AKAP6: variants seen among roughly 807,000 people sequenced by gnomAD.
AKAP6 encodes A-kinase anchoring protein 6.
A neutral mutation model predicts 188.5 loss-of-function variants in AKAP6; 58 were observed. That is an observed-to-expected ratio of 0.31 (90% confidence interval 0.25 to 0.38). The LOEUF is 0.38. AKAP6 is among the 10% of genes least tolerant of loss of function. The pLI is 1.00. For missense variants in AKAP6, 2,710 were observed against 2,740.0 expected (o/e 0.99, Z 0.24); for synonymous variants, 989 against 998.6 (o/e 0.99, Z 0.18).
intron 7 of AKAP6, among the ~76,000 whole-genome samples, chr14:32,629,006 TG>T (rs1323491920): frequency 3.9e-5 from 6 of 151,994 alleles, no homozygotes; most frequent in Admixed American, 3.9e-4. Context: ...CTTAGAGAAA[TG>T]GGAGGGATGT....
chr14:32,581,734 T>C (rs1884975694), intron 5 of AKAP6, among the ~76,000 whole-genome samples: 2 of 152,214 alleles, frequency 1.3e-5, no homozygotes, highest in Non-Finnish European at 2.9e-5. Flanking sequence ...AACTGGTCCC[T>C]TTACCATTAT....
In AKAP6 at chr14:32,540,135, T is replaced by G. The variant is rs1312071000; in HGVS notation, c.576+4330T>G. The stretch of plus-strand genomic sequence containing the variant: ...AGGGGTGTTCTTTGCTCGTGCGCTC[T>G]CTCTCTCTCTCTCTCTCTCTCTCTC... On this transcript the variant is annotated intron_variant, in intron 3 of 13. Transcript: ENST00000280979. 1.6e-4 allele frequency among the ~76,000 whole-genome samples: 11 copies of G among 69,398 alleles called. No individual in the cohort carries two copies. In the Admixed American group the frequency reaches 1.7e-3, roughly 11 times the overall value. 45.5% of individuals were successfully genotyped at this position (69,398 alleles called of 152,430 possible).
chr14:32,446,462 A>T (rs571907688), intron 2 of AKAP6, among the ~76,000 whole-genome samples: 1 of 152,136 alleles, frequency 6.6e-6, no homozygotes, highest in Non-Finnish European at 1.5e-5. Context: ...TGTGATCTGC[A>T]TGTATCTCTT....
chr14:32,441,057 T>C (rs1957016), intron 2 of AKAP6, among the ~76,000 whole-genome samples: 110,189 of 152,034 alleles, frequency 0.72, 40,871 homozygotes, highest in African/African-American at 0.87. Flanking sequence ...GAGAGTAAGC[T>C]CTCACCAGAC....
chr14:32,559,757 T>G (rs975330439), intron 4 of AKAP6, among the ~76,000 whole-genome samples: 3 of 151,278 alleles, frequency 2.0e-5, no homozygotes, highest in African/African-American at 7.3e-5. Context: ...ACAGTTGCGG[T>G]TGGGAGGTAG....
intron 12 of AKAP6, among the ~76,000 whole-genome samples, chr14:32,794,816 A>G (rs972942566): frequency 1.3e-5 from 2 of 152,152 alleles, no homozygotes; most frequent in Non-Finnish European, 2.9e-5. Flanking sequence ...AAGGAGATAG[A>G]GACATGAAAA....
intron 2 of AKAP6, among the ~76,000 whole-genome samples, chr14:32,437,344 A>T (rs898278278): frequency 2.0e-5 from 3 of 152,028 alleles, no homozygotes; most frequent in Non-Finnish European, 2.9e-5. Context: ...CTCATTACCT[A>T]ACTTGTCTAC....
chr14:32,562,706 C>T (rs1170010377), intron 4 of AKAP6, among the ~76,000 whole-genome samples: 1 of 151,964 alleles, frequency 6.6e-6, no homozygotes, highest in Non-Finnish European at 1.5e-5. Context: ...TGCAGTGAGC[C>T]GAGATTGCAC....
intron 1 of AKAP6, among the ~76,000 whole-genome samples, chr14:32,371,676 T>C (rs945697846): frequency 6.6e-6 from 1 of 152,138 alleles, no homozygotes; most frequent in South Asian, 2.1e-4. Context: ...GGAGTTGAAA[T>C]AGGTGAGAAA....
chr14:32,666,185 A>G (rs534692799), intron 7 of AKAP6, among the ~76,000 whole-genome samples: 66 of 152,256 alleles, frequency 4.3e-4, no homozygotes, highest in African/African-American at 1.5e-3. Flanking sequence ...ATAGTTTTAA[A>G]TAAAATATCT....
At chr14:32,557,214 G>A (rs1883726914) in intron 4 of AKAP6, among the ~76,000 whole-genome samples, 1 of 152,114 alleles carries the variant, frequency 6.6e-6, no homozygotes, top group South Asian at 2.1e-4. Flanking sequence ...AGCCTACCCA[G>A]TAGCTGGGAC....
At chr14:32,631,567 C>T (rs774650761) in intron 7 of AKAP6, among the ~76,000 whole-genome samples, 27 of 152,032 alleles carry the variant, frequency 1.8e-4, no homozygotes, top group South Asian at 4.1e-4. Flanking sequence ...CAGTAATTAC[C>T]GCATACAGAG....
chr14:32,339,960 A>T (rs941161689), intron 1 of AKAP6, among the ~76,000 whole-genome samples: 4 of 151,286 alleles, frequency 2.6e-5, no homozygotes, highest in Non-Finnish European at 5.9e-5. Flanking sequence ...TTTATTTCTC[A>T]GGGAGCAGGT....
intron 9 of AKAP6, among the ~76,000 whole-genome samples, chr14:32,701,171 T>G (rs1288295951): frequency 1.3e-5 from 2 of 152,168 alleles, no homozygotes; most frequent in Non-Finnish European, 2.9e-5. Flanking sequence ...TTTGGGGTTA[T>G]TTATAAGAAT....
intron 9 of AKAP6, among the ~76,000 whole-genome samples, chr14:32,717,541 C>T (rs1394307767): frequency 2.6e-5 from 4 of 151,908 alleles, no homozygotes; most frequent in African/African-American, 9.7e-5. Flanking sequence ...ATCTATGCAT[C>T]TCCATCATTA....
rs1343346917 is a variant in AKAP6 at position 32,484,964 on chromosome 14, G to C, written c.325-50590G>C. On this transcript the variant is annotated intron_variant, in intron 2 of 13. Transcript: ENST00000280979. ...GCTTCTCCCGCCTTTTTTTCCTGCGGCGGGAGAAGTAGATTGAAGCGTTGA... is the reference window on the plus strand; with the variant it reads ...GCTTCTCCCGCCTTTTTTTCCTGCGCCGGGAGAAGTAGATTGAAGCGTTGA... 2.7e-5 allele frequency among the ~76,000 whole-genome samples: 2 copies of C among 75,428 alleles called. 1 individual carries two copies. Among genetic ancestry groups the C allele is most frequent in the Non-Finnish European group, 4.4e-5 (2 of 45,708 alleles). 49.5% of individuals were successfully genotyped at this position (75,428 alleles called of 152,430 possible). A position where few individuals can be genotyped will look rare whatever the true frequency, so the allele number is the denominator to read the frequency against.
intron 1 of AKAP6, among the ~76,000 whole-genome samples, chr14:32,417,607 G>T (rs1197726533): frequency 1.3e-5 from 2 of 152,172 alleles, no homozygotes; most frequent in African/African-American, 4.8e-5. Context: ...TAAACAAAGT[G>T]AGAGGCTCAA....
In AKAP6 at chr14:32,528,408, T is replaced by G. The variant is rs540703584; in HGVS notation, c.325-7146T>G. 2.0e-5 allele frequency among the ~76,000 whole-genome samples: 3 copies of G among 152,192 alleles called. No individual in the cohort carries two copies. The South Asian group carries it at 6.2e-4, about 32-fold the overall frequency. On this transcript the variant is annotated intron_variant, in intron 2 of 13. Coordinates refer to ENST00000280979, the MANE Select transcript of AKAP6 (RefSeq NM_004274.5). ...TATTATTTGCTTGTAGATGTCCAGT[T>G]CCAGCACCGTTTGTTGAAAAGACTG...
At chr14:32,718,745 A>G (rs962371899) in intron 9 of AKAP6, among the ~76,000 whole-genome samples, 2 of 152,216 alleles carry the variant, frequency 1.3e-5, no homozygotes, top group Non-Finnish European at 2.9e-5. Flanking sequence ...ATGAAGCTCA[A>G]AGATAAAGCA....
Sources: allele counts gnomAD v4.1 joint callset (sites outside exome capture counted in the v4.1 genomes callset), GRCh38; gene constraint gnomAD v4.1.1; transcripts MANE v1.5; gene names NCBI Gene and HGNC (gene_info 2026-07-23, HGNC 2026-07-21).